The following GRID1 variants were observed in gnomAD, a reference collection of about 807,000 sequenced individuals.
The protein encoded by GRID1 is glutamate receptor ionotropic, delta-1.
A neutral mutation model predicts 98.0 loss-of-function variants in GRID1; 28 were observed. The observed-to-expected ratio is 0.29, with a 90% CI of 0.21 to 0.39. The LOEUF is 0.39. Ranked by LOEUF, GRID1 falls within the 10% of genes least tolerant of loss-of-function variation. The probability of loss-of-function intolerance (pLI) is 1.00; values close to 1 mark genes in which losing one functional copy is unlikely to be tolerated. For synonymous variants in GRID1, 553 were observed against 538.5 expected, an observed-to-expected ratio of 1.03 and a Z score of -0.37; for missense variants, 1,111 against 1,340.5, an observed-to-expected ratio of 0.83 and a Z score of 2.67.
rs572226282 is a variant in GRID1, at chr10:86,030,554, A to G, written c.726+108265T>C. 3.9e-5 allele frequency among the ~76,000 whole-genome samples: 6 copies of G among 152,284 alleles called. No homozygotes were observed. In the South Asian group the frequency reaches 1.2e-3, roughly 32 times the overall value. ...TGCATGGGCATGCCTTCTTCCAGGG[A>G]CCCTTAGATCAACCCCAGGAGGAGC... On this transcript the variant is annotated intron_variant, in intron 4 of 15. Transcript: ENST00000327946.
intron 4 of GRID1, among the ~76,000 whole-genome samples, chr10:86,107,361 T>C (rs1844406555): frequency 6.6e-6 from 1 of 152,232 alleles, no homozygotes; most frequent in Non-Finnish European, 1.5e-5. Context: ...GACCGTGATC[T>C]GAAGGGCGTC....
At chr10:86,229,724 A>G (rs1355009493) in intron 2 of GRID1, among the ~76,000 whole-genome samples, 1 of 152,192 alleles carries the variant, frequency 6.6e-6, no homozygotes, top group East Asian at 1.9e-4. Flanking sequence ...GCCAGGGCAG[A>G]CAGCCGGGCG....
At position 85,827,220 on chromosome 10, in the gene GRID1, T is replaced by C. The variant is rs539004902; in HGVS notation, c.1233+27276A>G. Among the ~76,000 whole-genome samples the C allele has an allele frequency of 6.6e-5, 10 of 150,890 alleles. No homozygotes were observed. In the South Asian group the frequency reaches 1.0e-3, roughly 16 times the overall value. On this transcript the variant is annotated intron_variant, in intron 8 of 15. Transcript: ENST00000327946. ...GAAAGCTGAAACCCAATTCAAGGAG[T>C]CTAAGGAATACAATAGAATGATATG...
chr10:86,028,842 T>A (rs1297718682), intron 4 of GRID1, among the ~76,000 whole-genome samples: 6 of 152,186 alleles, frequency 3.9e-5, no homozygotes, highest in African/African-American at 1.4e-4. Context: ...AAGTCCCAGC[T>A]CTTCTAGTAG....
intron 4 of GRID1, among the ~76,000 whole-genome samples, chr10:86,076,018 T>G (rs1191294639): frequency 6.6e-6 from 1 of 152,112 alleles, no homozygotes; most frequent in Non-Finnish European, 1.5e-5. Flanking sequence ...TAGTAAAGTT[T>G]TAAAGGAGAG....
At chr10:85,754,392 A>G (rs1185043944) in intron 8 of GRID1, among the ~76,000 whole-genome samples, 1 of 152,226 alleles carries the variant, frequency 6.6e-6, no homozygotes, top group Non-Finnish European at 1.5e-5. Flanking sequence ...AGGGAGAAAG[A>G]TAGAATAAAA....
At chr10:85,741,348 A>G (rs2132673208) in intron 8 of GRID1, among the ~76,000 whole-genome samples, 1 of 152,258 alleles carries the variant, frequency 6.6e-6, no homozygotes, top group Admixed American at 6.5e-5. Context: ...TAGTCATGGT[A>G]AAGTATTTGA....
intron 13 of GRID1, among the ~76,000 whole-genome samples, chr10:85,620,271 G>A (rs571274999): frequency 3.3e-5 from 5 of 152,348 alleles, no homozygotes; most frequent in African/African-American, 1.2e-4. Flanking sequence ...ATCTCATGGA[G>A]AGGGGAAGGG....
chr10:85,980,842 G>A (rs1842536119), intron 4 of GRID1, among the ~76,000 whole-genome samples: 1 of 152,208 alleles, frequency 6.6e-6, no homozygotes, highest in African/African-American at 2.4e-5. Flanking sequence ...GAGTCACATG[G>A]CTTCTCTGTG....
intron 8 of GRID1, among the ~76,000 whole-genome samples, chr10:85,757,197 C>T (rs1564580981): frequency 6.6e-6 from 1 of 152,218 alleles, no homozygotes; most frequent in Non-Finnish European, 1.5e-5. Flanking sequence ...AACTCCCCTT[C>T]AAGGTTCTAC....
At chr10:85,758,051 A>T (rs1329070189) in intron 8 of GRID1, among the ~76,000 whole-genome samples, 1 of 152,146 alleles carries the variant, frequency 6.6e-6, no homozygotes, top group African/African-American at 2.4e-5. Context: ...CAACAGAGGG[A>T]GTAGAGCATG....
intron 8 of GRID1, among the ~76,000 whole-genome samples, chr10:85,772,370 G>A (rs1434772769): frequency 4.4e-4 from 67 of 151,448 alleles, no homozygotes; most frequent in African/African-American, 1.6e-3. Flanking sequence ...AGAGAAAGCA[G>A]GAAAGATCCA....
chr10:86,168,234 T>C (rs1564695490), intron 3 of GRID1, among the ~76,000 whole-genome samples: 1 of 152,144 alleles, frequency 6.6e-6, no homozygotes, highest in Non-Finnish European at 1.5e-5. Flanking sequence ...CTCCTGACAT[T>C]TATGGGCTGT....
intron 5 of GRID1, among the ~76,000 whole-genome samples, chr10:85,899,104 A>C (rs1841340739): frequency 6.6e-6 from 1 of 152,208 alleles, no homozygotes; most frequent in Non-Finnish European, 1.5e-5. Context: ...TGTTGTACAT[A>C]GGGTTCATGG....
chr10:85,934,340 G>A (rs1435907921), intron 4 of GRID1, among the ~76,000 whole-genome samples: 1 of 151,480 alleles, frequency 6.6e-6, no homozygotes, highest in East Asian at 1.9e-4. Context: ...ATAAAGAAAA[G>A]TTACTCTGAG....
At chr10:86,339,018 T>C (rs1274591591) in intron 2 of GRID1, among the ~76,000 whole-genome samples, 1 of 151,976 alleles carries the variant, frequency 6.6e-6, no homozygotes, top group Non-Finnish European at 1.5e-5. Flanking sequence ...AGAGCTGGGG[T>C]TCAGATCCAG....
At chr10:86,356,810 A>G (rs1245403155) in intron 2 of GRID1, among the ~76,000 whole-genome samples, 1 of 152,224 alleles carries the variant, frequency 6.6e-6, no homozygotes, top group Non-Finnish European at 1.5e-5. Context: ...CAGGGATGGA[A>G]TGGGTTAGAA....
intron 3 of GRID1, among the ~76,000 whole-genome samples, chr10:86,159,045 G>A (rs912583036): frequency 6.6e-6 from 1 of 152,098 alleles, no homozygotes; most frequent in Non-Finnish European, 1.5e-5. Flanking sequence ...AGGCGCCCGC[G>A]ACCATGCCCG....
At chr10:86,231,484 C>A (rs576016364) in intron 2 of GRID1, among the ~76,000 whole-genome samples, 2 of 152,282 alleles carry the variant, frequency 1.3e-5, no homozygotes, top group African/African-American at 4.8e-5. Context: ...GTGCCCTGAG[C>A]CAGGGCATGC....
Sources: allele counts gnomAD v4.1 joint callset (sites outside exome capture counted in the v4.1 genomes callset), GRCh38; gene constraint gnomAD v4.1.1; transcripts MANE v1.5; gene names NCBI Gene and HGNC (gene_info 2026-07-23, HGNC 2026-07-21).